The following BDP1 variants were observed in gnomAD, a reference collection of about 807,000 sequenced individuals.
BDP1 encodes the protein BDP1 general transcription factor IIIB subunit, also known as transcription factor TFIIIB component B'' homolog.
BDP1 carries 169 observed loss-of-function variants against 266.6 expected under a neutral mutation model. The ratio of observed to expected loss-of-function variants is 0.63; its 90% confidence interval spans 0.56 to 0.72. The LOEUF is 0.72. Among genes scored for constraint, BDP1 ranks in the 30% least tolerant of loss-of-function variants. BDP1 has a pLI of 0.00. For missense variants in BDP1, 3,015 were observed against 3,053.8 expected, an observed-to-expected ratio of 0.99 and a Z score of 0.30; for synonymous variants, 1,090 against 1,022.4, an observed-to-expected ratio of 1.07 and a Z score of -1.26.
chr5:71,549,742 A>G, intron 34 of BDP1, 136 bp downstream of exon 34: 1 of 682,524 alleles, frequency 1.5e-6, no homozygotes, highest in Middle Eastern at 2.6e-4. Flanking sequence ...GTGGTAAGTT[A>G]GAGAAGAAAT....
Position 71,523,985 on chromosome 5 carries a change from G to A in BDP1, c.5434G>A (p.Asp1812Asn). 6.2e-7 allele frequency: 1 copy of A among 1,614,088 alleles called. No individual in the cohort carries two copies. Residue 1812 changes from aspartate to asparagine, a missense_variant, in exon 25 of 39, where the codon GAT (aspartate) becomes AAT (asparagine). Asp to Asn is a conservative substitution (Grantham distance 23). This residue lies in a region of BDP1 where 2,383 missense variants were observed against 2,404.9 expected (regional missense o/e 0.99). Coordinates refer to ENST00000358731, the MANE Select transcript of BDP1 (RefSeq NM_018429.3). ...NETSYSKIAL[D>N]GKTTISSTSE... Reference sequence around the variant, plus strand: ...AACAAGTTACTCTAAAATTGCCCTGGATGGGAAAACAACTATCTCTTCTAC... The same window carrying A: ...AACAAGTTACTCTAAAATTGCCCTGAATGGGAAAACAACTATCTCTTCTAC...
intron 25 of BDP1, among the ~76,000 whole-genome samples, chr5:71,526,275 T>G (rs1437696582): frequency 8.7e-6 from 1 of 115,480 alleles, no homozygotes; most frequent in Non-Finnish European, 2.0e-5. Flanking sequence ...TTTCAAACAT[T>G]TTGGTGTTTT....
At chr5:71,542,979 A>C (rs1767065726) in intron 30 of BDP1, among the ~76,000 whole-genome samples, 1 of 152,190 alleles carries the variant, frequency 6.6e-6, no homozygotes, top group South Asian at 2.1e-4. Flanking sequence ...TAGAGAAATG[A>C]AAATGTTACT....
At chr5:71,488,469 C>T (rs1279551966) in intron 9 of BDP1, among the ~76,000 whole-genome samples, 2 of 150,652 alleles carry the variant, frequency 1.3e-5, no homozygotes, top group African/African-American at 4.9e-5. Flanking sequence ...GCTCTTGTTG[C>T]CCAGGCTGGA....
Position 71,504,190 on chromosome 5 carries a change from A to G in BDP1, c.2242-431A>G, listed in dbSNP as rs189039892. Reference sequence around the variant, plus strand: ...CGGGAGGCTGAGGCAGGAGAATGGCATGAACCTGGGAGGCAGAGCTTGCAG... The same window carrying G: ...CGGGAGGCTGAGGCAGGAGAATGGCGTGAACCTGGGAGGCAGAGCTTGCAG... On this transcript the variant is annotated intron_variant, in intron 15 of 38. Transcript: ENST00000358731. Among the ~76,000 whole-genome samples, 535 of 150,858 alleles carry G rather than the reference A, an allele frequency of 3.5e-3. 8 individuals carry two copies. The highest frequency in any genetic ancestry group is 0.012 in the African/African-American group (495 of 41,042).
intron 7 of BDP1, among the ~76,000 whole-genome samples, chr5:71,473,245 C>A (rs1356834898): frequency 6.9e-6 from 1 of 144,010 alleles, no homozygotes; most frequent in Non-Finnish European, 1.5e-5. Flanking sequence ...TTTAATGAAC[C>A]AACTTTTCTT....
Position 71,507,225 on chromosome 5 carries a change from C to T in BDP1, c.2373-2240C>T, listed in dbSNP as rs111908625. Among the ~76,000 whole-genome samples, 777 of 152,296 alleles carry T rather than the reference C, an allele frequency of 5.1e-3. 8 individuals are homozygous for T. The highest frequency in any genetic ancestry group is 0.017 in the African/African-American group (727 of 41,568). ...TGCTCATTCCATACCTTATTTTCTC[C>T]ATTCATGATCCTCTTGTTTTGCCTT... On this transcript the variant is annotated intron_variant, in intron 16 of 38. Coordinates refer to ENST00000358731, the MANE Select transcript of BDP1 (RefSeq NM_018429.3).
At chr5:71,549,012 G>T (rs1050885963) in intron 33 of BDP1, among the ~76,000 whole-genome samples, 1 of 152,122 alleles carries the variant, frequency 6.6e-6, no homozygotes, top group Middle Eastern at 3.2e-3. Flanking sequence ...GCGGAGGTGG[G>T]TAGATCACTT....
intron 25 of BDP1, among the ~76,000 whole-genome samples, chr5:71,531,982 C>T (rs1766276360): frequency 6.6e-6 from 1 of 152,090 alleles, no homozygotes; most frequent in African/African-American, 2.4e-5. Context: ...TAAATGTTAA[C>T]AGACTGAACA....
chr5:71,551,319 C>T (rs1268755005), intron 34 of BDP1, among the ~76,000 whole-genome samples: 5 of 152,104 alleles, frequency 3.3e-5, no homozygotes, highest in Admixed American at 2.0e-4. Flanking sequence ...TGACTCTTAA[C>T]GAGCATACTG....
Position 71,519,202 on chromosome 5 carries a change from T to C in BDP1, c.4991+1750T>C, listed in dbSNP as rs535358259. Reference sequence around the variant, plus strand: ...CCTTAAATTTTTTTTTGATATATAATAGTTATACATATTTTTGGACTACAT... The same window carrying C: ...CCTTAAATTTTTTTTTGATATATAACAGTTATACATATTTTTGGACTACAT... On this transcript the variant is annotated intron_variant, in intron 22 of 38. Transcript: ENST00000358731. Among the ~76,000 whole-genome samples the C allele has an allele frequency of 3.9e-5, 6 of 152,254 alleles. No homozygotes were observed. In the South Asian group the frequency reaches 1.0e-3, roughly 26 times the overall value.
At chr5:71,464,170 G>A (rs1761752318) in intron 4 of BDP1, 53 bp downstream of exon 4, 1 of 1,097,320 alleles carries the variant, frequency 9.1e-7, no homozygotes, top group Non-Finnish European at 1.3e-6. Context: ...TAAGAAATGA[G>A]ATCAAATGGT....
rs374147855 is a variant in BDP1 at position 71,559,871 on chromosome 5, T to A, written c.7241-111T>A. On this transcript the variant is annotated intron_variant, in intron 36 of 38. Transcript: ENST00000358731. The stretch of plus-strand genomic sequence containing the variant: ...CACTAATGATAATTTAGCTTACTCT[T>A]ATTAGGGTAGGTTTATTATAGAATA... 19 of 1,070,500 alleles carry A rather than the reference T, an allele frequency of 1.8e-5. 1 individual carries two copies. In the African/African-American group the frequency reaches 3.0e-4, roughly 17 times the overall value. 66.3% of individuals were successfully genotyped at this position (1,070,500 alleles called of 1,614,324 possible).
chr5:71,551,713 G>A lies in BDP1; in HGVS notation c.6996-1403G>A, dbSNP rs1742775571. Among the ~76,000 whole-genome samples, 3 of 151,558 alleles carry A rather than the reference G, an allele frequency of 2.0e-5. No homozygotes were observed. In the South Asian group the frequency reaches 6.2e-4, roughly 32 times the overall value. ...GGGCAGAGGCGCCCCTCACTTCCCA[G>A]CAGGGGCGGCCGGGCAGAGGTGCCC... On this transcript the variant is annotated intron_variant, in intron 34 of 38. Coordinates refer to ENST00000358731, the MANE Select transcript of BDP1 (RefSeq NM_018429.3).
At chr5:71,507,382 T>C (rs1764640940) in intron 16 of BDP1, among the ~76,000 whole-genome samples, 1 of 152,188 alleles carries the variant, frequency 6.6e-6, no homozygotes, top group Admixed American at 6.5e-5. Context: ...TGTACTTCTT[T>C]TGTTACTTAG....
chr5:71,542,057 G>C (rs1412738005), intron 29 of BDP1, 48 bp from the exon 30 acceptor site: 1 of 1,481,626 alleles, frequency 6.7e-7, no homozygotes, highest in African/African-American at 1.4e-5. Flanking sequence ...TAATGTGAGA[G>C]AGCAAGATCT....
intron 5 of BDP1, 28 bp downstream of exon 5, chr5:71,466,249 T>A (rs1275978262): frequency 1.2e-6 from 2 of 1,612,902 alleles, no homozygotes; most frequent in African/African-American, 2.7e-5. Flanking sequence ...AAAGTGAGAT[T>A]GTGGTTACAT....
chr5:71,556,562 G>C (rs1299431778), intron 35 of BDP1, among the ~76,000 whole-genome samples: 2 of 152,044 alleles, frequency 1.3e-5, no homozygotes, highest in African/African-American at 4.8e-5. Context: ...CATAGTGTCA[G>C]ATCATCTTTG....
intron 17 of BDP1, 81 bp downstream of exon 17, chr5:71,511,232 T>C (rs1241178178): frequency 7.3e-7 from 1 of 1,377,340 alleles, no homozygotes; most frequent in Non-Finnish European, 1.0e-6. Context: ...ATTTTGTCCT[T>C]AAGTCCAACA....
Sources: gnomAD v4.1 joint callset for allele counts (sites outside exome capture counted in the v4.1 genomes callset) on GRCh38, gnomAD v4.1.1 for gene constraint, gnomAD v4.1.1 regional missense constraint, MANE v1.5 for transcripts, NCBI Gene and HGNC (gene_info 2026-07-23, HGNC 2026-07-21) for gene names.